The following NLGN1 variants were observed in gnomAD, a reference collection of about 807,000 sequenced individuals.
The protein encoded by NLGN1 is neuroligin-1.
A neutral mutation model predicts 65.5 loss-of-function variants in NLGN1; 12 were observed. The observed-to-expected ratio is 0.18, with a 90% CI of 0.12 to 0.30. The LOEUF is 0.30. Among genes scored for constraint, NLGN1 ranks in the 10% least tolerant of loss-of-function variants. The probability of loss-of-function intolerance (pLI) is 1.00; values close to 1 mark genes in which losing one functional copy is unlikely to be tolerated. For synonymous variants in NLGN1, 350 were observed against 359.5 expected (o/e 0.97, Z 0.30); for missense variants, 750 against 1,007.1 (o/e 0.74, Z 3.46).
At chr3:174,272,410 A>AATT (rs1253239465) in intron 4 of NLGN1, among the ~76,000 whole-genome samples, 1 of 151,738 alleles carries the variant, frequency 6.6e-6, no homozygotes, top group East Asian at 1.9e-4. Context: ...TTGAGACAGC[A>AATT]ATTTATTTAA....
chr3:174,165,665 C>T (rs969633037), intron 4 of NLGN1, among the ~76,000 whole-genome samples: 1 of 151,754 alleles, frequency 6.6e-6, no homozygotes, highest in Non-Finnish European at 1.5e-5. Context: ...TTTTCTTTTT[C>T]CACTGTGTCT....
chr3:173,470,428 A>G (rs1725121294), intron 2 of NLGN1, among the ~76,000 whole-genome samples: 1 of 151,948 alleles, frequency 6.6e-6, no homozygotes. Flanking sequence ...GCTTAAATAC[A>G]TATTTTTGTT....
intron 4 of NLGN1, among the ~76,000 whole-genome samples, chr3:173,848,796 C>T (rs1726311812): frequency 6.6e-6 from 1 of 152,028 alleles, no homozygotes; most frequent in South Asian, 2.1e-4. Flanking sequence ...ATTGATTTAC[C>T]TCCTATTGAG....
chr3:173,824,666 T>C (rs919193209), intron 4 of NLGN1, among the ~76,000 whole-genome samples: 1 of 152,082 alleles, frequency 6.6e-6, no homozygotes, highest in Non-Finnish European at 1.5e-5. Context: ...CTTTTTTCTT[T>C]TATAAAAGAT....
intron 4 of NLGN1, among the ~76,000 whole-genome samples, chr3:173,810,899 G>A (rs966642939): frequency 1.3e-5 from 2 of 152,104 alleles, no homozygotes; most frequent in East Asian, 1.9e-4. Context: ...ACTGTGTGGT[G>A]TATGATTTTC....
chr3:173,544,054 A>G (rs537555538), intron 2 of NLGN1, among the ~76,000 whole-genome samples: 5 of 152,226 alleles, frequency 3.3e-5, no homozygotes, highest in African/African-American at 4.8e-5. Flanking sequence ...ATTCTGAAGT[A>G]TGGATAGAAA....
Position 173,457,723 on chromosome 3 carries a change from T to C in NLGN1, c.-321+22645T>C, listed in dbSNP as rs575354055. Reference sequence around the variant, plus strand: ...CTTGGCCTAAAGTTGAGATTCAGTATGTATGAAATAAAGCAATAAGGCTAT... The same window carrying C: ...CTTGGCCTAAAGTTGAGATTCAGTACGTATGAAATAAAGCAATAAGGCTAT... On this transcript the variant is annotated intron_variant, in intron 2 of 6. Transcript: ENST00000457714. Among the ~76,000 whole-genome samples the C allele has an allele frequency of 8.5e-5, 13 of 152,144 alleles. No individual in the cohort carries two copies. The East Asian group carries it at 2.3e-3, about 27-fold the overall frequency.
At chr3:173,960,250 T>C (rs1713214262) in intron 4 of NLGN1, among the ~76,000 whole-genome samples, 1 of 152,106 alleles carries the variant, frequency 6.6e-6, no homozygotes, top group Non-Finnish European at 1.5e-5. Flanking sequence ...GTTTTTCTTT[T>C]CTTGAATTGA....
chr3:173,883,527 G>A (rs188695165), intron 4 of NLGN1, among the ~76,000 whole-genome samples: 10 of 152,126 alleles, frequency 6.6e-5, no homozygotes, highest in East Asian at 1.9e-4. Flanking sequence ...TTGAAAAACC[G>A]GTGCTGATAT....
At chr3:173,929,653 T>A (rs143435220) in intron 4 of NLGN1, among the ~76,000 whole-genome samples, 144 of 151,714 alleles carry the variant, frequency 9.5e-4, no homozygotes, top group African/African-American at 2.7e-3. Flanking sequence ...ATCTCCTTAT[T>A]AAAGTGTATG....
intron 4 of NLGN1, among the ~76,000 whole-genome samples, chr3:174,028,419 A>G (rs1487595218): frequency 6.6e-6 from 1 of 152,210 alleles, no homozygotes; most frequent in Non-Finnish European, 1.5e-5. Flanking sequence ...AACTGGGGCA[A>G]AGGTGACTCT....
At position 174,279,205 on chromosome 3, in the gene NLGN1, A is replaced by T. The variant is rs1484711567; in HGVS notation, c.1204A>T (p.Ser402Cys). 1.2e-6 allele frequency: 2 copies of T among 1,613,326 alleles called. No individual in the cohort carries two copies. Among genetic ancestry groups the T allele is most frequent in the South Asian group, 2.2e-5 (2 of 91,058 alleles). The change falls in exon 6 of 7, where the codon AGC becomes TGC. Residue 402 changes from serine (S) to cysteine (C), a missense_variant. Transcript: ENST00000457714. This position sits in a 1 kb window ranked among gnomAD's most constrained non-coding sequence, Gnocchi z 4.7. ...AAAATTTGTTGAAAATATAGTAGAT[A>T]GCGATGATGGTATATCAGCTAGTGA...
chr3:174,038,674 A>G (rs954801758), intron 4 of NLGN1, among the ~76,000 whole-genome samples: 3 of 152,190 alleles, frequency 2.0e-5, no homozygotes, highest in Non-Finnish European at 4.4e-5. Context: ...TTAACTTAAG[A>G]AAACACCTTC....
chr3:174,001,367 G>C (rs1723258460), intron 4 of NLGN1, among the ~76,000 whole-genome samples: 1 of 151,656 alleles, frequency 6.6e-6, no homozygotes, highest in African/African-American at 2.4e-5. Flanking sequence ...ATTGGGAATA[G>C]AAGTAAGTTT....
At chr3:173,623,130 A>G (rs1754277022) in intron 3 of NLGN1, among the ~76,000 whole-genome samples, 1 of 152,002 alleles carries the variant, frequency 6.6e-6, no homozygotes, top group Admixed American at 6.6e-5. Context: ...TAGTATTTAG[A>G]CCCATTCTGC....
intron 4 of NLGN1, among the ~76,000 whole-genome samples, chr3:173,957,905 G>A (rs1202463143): frequency 6.6e-6 from 1 of 152,232 alleles, no homozygotes; most frequent in Non-Finnish European, 1.5e-5. Context: ...GCCAAGATGA[G>A]TTAAGTGTGG....
chr3:174,089,929 A>C (rs1576814916), intron 4 of NLGN1, among the ~76,000 whole-genome samples: 1 of 151,486 alleles, frequency 6.6e-6, no homozygotes, highest in East Asian at 1.9e-4. Context: ...ATTATTTGGC[A>C]GACGTAGGTT....
At chr3:173,419,217 G>T (rs560495326) in intron 1 of NLGN1, among the ~76,000 whole-genome samples, 1 of 151,106 alleles carries the variant, frequency 6.6e-6, no homozygotes, top group Non-Finnish European at 1.5e-5. Flanking sequence ...TACAGACAAA[G>T]TACATGAGTA....
At chr3:173,702,423 T>G (rs1336521556) in intron 3 of NLGN1, among the ~76,000 whole-genome samples, 1 of 152,082 alleles carries the variant, frequency 6.6e-6, no homozygotes, top group Non-Finnish European at 1.5e-5. Flanking sequence ...TCATGGTGCC[T>G]GTTGGGAAGA....
Sources: gnomAD v4.1 joint callset for allele counts (sites outside exome capture counted in the v4.1 genomes callset) on GRCh38, gnomAD v4.1.1 for gene constraint, Gnocchi (gnomAD v3.1) non-coding constraint, MANE v1.5 for transcripts, NCBI Gene and HGNC (gene_info 2026-07-23, HGNC 2026-07-21) for gene names.